LAMA3: variants seen among roughly 807,000 people sequenced by gnomAD.
LAMA3 encodes the protein laminin subunit alpha-3.
A neutral mutation model predicts 402.0 loss-of-function variants in LAMA3; 281 were observed. That is an observed-to-expected ratio of 0.70 (90% CI 0.63 to 0.77). LAMA3 has a LOEUF of 0.77. Ranked by LOEUF, LAMA3 falls within the 30% of genes least tolerant of loss-of-function variation. The probability of loss-of-function intolerance (pLI) is 0.00; values close to 1 mark genes in which losing one functional copy is unlikely to be tolerated. For missense variants in LAMA3, 3,840 were observed against 4,215.5 expected (o/e 0.91, Z 2.47); for synonymous variants, 1,431 against 1,558.4 (o/e 0.92, Z 1.93).
Position 23,914,815 on chromosome 18 carries a change from T to C in LAMA3, c.7599T>C (p.Pro2533=). The change falls in exon 58 of 75, where the codon CCT becomes CCC. Residue 2533 remains proline (P), a synonymous_variant. Coordinates refer to ENST00000313654, the MANE Select transcript of LAMA3 (RefSeq NM_198129.4). ...GCAATACACTCCTTAATTTGGATCC[T>C]GAAAATGTTGTATTTTATGTTGGAG... The part of the protein sequence containing the change: ...RNSNTLLNLD[P]ENVVFYVGGY... 2 of 1,613,040 alleles carry C rather than the reference T, an allele frequency of 1.2e-6. No homozygotes were observed. Among genetic ancestry groups the C allele is most frequent in the Middle Eastern group, 3.3e-4 (2 of 6,062 alleles).
chr18:23,891,174 G>A (rs141541499), intron 42 of LAMA3, among the ~76,000 whole-genome samples: 3 of 152,340 alleles, frequency 2.0e-5, no homozygotes, highest in African/African-American at 7.2e-5. Flanking sequence ...ATGCGGAAAT[G>A]TGGATGATTT....
At position 23,909,210 on chromosome 18, in the gene LAMA3, A is replaced by C; in HGVS notation, c.7073A>C (p.Gln2358Pro). The stretch of plus-strand genomic sequence containing the variant: ...TGGCGCAAGATTGAAAGTATCAACC[A>C]ACAGCTGTTGCCCTTGGGAAACATC... ...DLWRKIESIN[Q>P]QLLPLGNISD... The change falls in exon 55 of 75, where the codon CAA (glutamine) becomes CCA (proline). Residue 2358 changes from glutamine (Q) to proline (P), a missense_variant. This residue lies in a region of LAMA3 where 891 missense variants were observed against 857.5 expected (regional missense o/e 1.04). Coordinates refer to ENST00000313654, the MANE Select transcript of LAMA3 (RefSeq NM_198129.4). 1.2e-6 allele frequency: 2 copies of C among 1,614,008 alleles called. No homozygotes were observed. Among genetic ancestry groups the C allele is most frequent in the Non-Finnish European group, 1.7e-6 (2 of 1,179,880 alleles).
intron 12 of LAMA3, among the ~76,000 whole-genome samples, chr18:23,784,673 G>T (rs879675775): frequency 6.6e-6 from 1 of 152,032 alleles, no homozygotes; most frequent in Non-Finnish European, 1.5e-5. Flanking sequence ...GGCAAGGGTC[G>T]CTGAAGGGGG....
chr18:23,720,019 C>T (rs1263628702), intron 2 of LAMA3, among the ~76,000 whole-genome samples: 2 of 152,236 alleles, frequency 1.3e-5, no homozygotes, highest in East Asian at 1.9e-4. Context: ...CTGTTCACTA[C>T]ATGATGTTTT....
At chr18:23,696,084 T>C (rs11660632) in intron 1 of LAMA3, among the ~76,000 whole-genome samples, 71,149 of 151,988 alleles carry the variant, frequency 0.47, 18,974 homozygotes, top group Non-Finnish European at 0.61. Context: ...TGTCGTGGGA[T>C]TGGCTCTGCA....
chr18:23,762,049 T>C (rs2061980103), intron 7 of LAMA3, among the ~76,000 whole-genome samples: 1 of 152,038 alleles, frequency 6.6e-6, no homozygotes, highest in Non-Finnish European at 1.5e-5. Context: ...AAACCTTGTC[T>C]CTACAAATAA....
intron 11 of LAMA3, among the ~76,000 whole-genome samples, chr18:23,783,183 T>G (rs2062471105): frequency 1.3e-5 from 2 of 152,150 alleles, no homozygotes; most frequent in South Asian, 2.1e-4. Context: ...TCAGGATTCC[T>G]GGAGGGCAAG....
intron 1 of LAMA3, among the ~76,000 whole-genome samples, chr18:23,710,794 G>T (rs1462468818): frequency 6.6e-6 from 1 of 152,056 alleles, no homozygotes; most frequent in African/African-American, 2.4e-5. Flanking sequence ...GTAACTTAAA[G>T]AAGCCAAACT....
chr18:23,695,000 C>G (rs549040498), intron 1 of LAMA3, among the ~76,000 whole-genome samples: 1 of 152,218 alleles, frequency 6.6e-6, no homozygotes, highest in East Asian at 1.9e-4. Context: ...AGAGCAACAC[C>G]CTGATGGAAT....
chr18:23,898,879 T>A lies in LAMA3; in HGVS notation c.5724+31T>A, dbSNP rs762614652. The A allele has an allele frequency of 1.9e-6, 3 of 1,561,462 alleles. No homozygotes were observed. In the South Asian group the frequency reaches 3.3e-5, roughly 17 times the overall value. On this transcript the variant is annotated intron_variant, in intron 45 of 74. Coordinates refer to ENST00000313654, the MANE Select transcript of LAMA3 (RefSeq NM_198129.4). Reference sequence around the variant, plus strand: ...GTGTTAGGTCCATTTAACTTTGGGGTTTTTTTGCTTTCAAAGTATTTTTAT... The same window carrying A: ...GTGTTAGGTCCATTTAACTTTGGGGATTTTTTGCTTTCAAAGTATTTTTAT...
intron 44 of LAMA3, 114 bp downstream of exon 44, chr18:23,895,172 C>T (rs533834038): frequency 1.6e-6 from 2 of 1,212,870 alleles, no homozygotes; most frequent in African/African-American, 3.0e-5. Flanking sequence ...GGTTGTCCTC[C>T]TTCCTCTGAT....
chr18:23,774,778 T>C (rs1487522581), intron 9 of LAMA3, among the ~76,000 whole-genome samples: 1 of 152,266 alleles, frequency 6.6e-6, no homozygotes, highest in African/African-American at 2.4e-5. Flanking sequence ...AATATGTAGA[T>C]GGATTTACTT....
At chr18:23,795,280 C>G (rs1309679895) in intron 12 of LAMA3, among the ~76,000 whole-genome samples, 1 of 152,188 alleles carries the variant, frequency 6.6e-6, no homozygotes, top group Non-Finnish European at 1.5e-5. Context: ...AGAAAACAGA[C>G]AGGCAGATAT....
Position 23,904,575 on chromosome 18 carries a change from G to T in LAMA3, c.6496G>T (p.Asp2166Tyr), listed in dbSNP as rs1568324198. ...LEEIKRNASG[D>Y]ELVRCAVDAA... Reference sequence around the variant, plus strand: ...CAGGATCAAGAGAAACGCCAGCGGGGATGAGCTGGTGCGCTGTGCTGTGGA... The same window carrying T: ...CAGGATCAAGAGAAACGCCAGCGGGTATGAGCTGGTGCGCTGTGCTGTGGA... The change falls in exon 51 of 75, where the codon GAT (aspartate) becomes TAT (tyrosine). Residue 2166 changes from aspartate to tyrosine, a missense_variant. Around this residue, in one of 3 missense-constraint regions of LAMA3, gnomAD observed 891 missense variants for 857.5 expected, o/e 1.04. Coordinates refer to ENST00000313654, the MANE Select transcript of LAMA3 (RefSeq NM_198129.4). 6.2e-7 allele frequency: 1 copy of T among 1,604,730 alleles called. No homozygotes were observed. Among genetic ancestry groups the T allele is most frequent in the Non-Finnish European group, 8.5e-7 (1 of 1,175,728 alleles).
At chr18:23,810,882 A>G (rs2063056427) in intron 13 of LAMA3, among the ~76,000 whole-genome samples, 1 of 152,078 alleles carries the variant, frequency 6.6e-6, no homozygotes. Context: ...TTTCGCTCCC[A>G]GCTTGTGGTG....
chr18:23,846,612 GA>G, intron 31 of LAMA3, 104 bp downstream of exon 31: 1 of 1,041,852 alleles, frequency 9.6e-7, no homozygotes, highest in Non-Finnish European at 1.4e-6. Context: ...GACTCACCTG[GA>G]GATCTGGAGA....
chr18:23,842,855 C>A, intron 29 of LAMA3, 105 bp downstream of exon 29: 1 of 1,415,924 alleles, frequency 7.1e-7, no homozygotes, highest in Non-Finnish European at 1.0e-6. Flanking sequence ...GAATTGAAGT[C>A]ATATTTGTAG....
chr18:23,923,246 A>G (rs193062967), intron 62 of LAMA3, among the ~76,000 whole-genome samples: 51 of 152,318 alleles, frequency 3.3e-4, no homozygotes, highest in Non-Finnish European at 6.3e-4. Context: ...GAGAAAGGCC[A>G]TGACCAAATT....
chr18:23,838,996 G>A lies in LAMA3; in HGVS notation c.3191+118G>A, dbSNP rs1837544912. The A allele has an allele frequency of 5.4e-6, 4 of 737,452 alleles. No individual in the cohort carries two copies. In the African/African-American group the frequency reaches 6.9e-5, roughly 13 times the overall value. The allele number at this position is 737,452 out of a possible 1,614,324, so 45.7% of individuals were successfully genotyped here. On this transcript the variant is annotated intron_variant, in intron 26 of 74. Transcript: ENST00000313654. ...TCATAAGCCAAGGTGCTAAAGTCTGGTGGTGGATTTAAAACAGAAAGAAAA... is the reference window on the plus strand; with the variant it reads ...TCATAAGCCAAGGTGCTAAAGTCTGATGGTGGATTTAAAACAGAAAGAAAA...
Sources: gnomAD v4.1 joint callset for allele counts (sites outside exome capture counted in the v4.1 genomes callset) on GRCh38, gnomAD v4.1.1 for gene constraint, gnomAD v4.1.1 regional missense constraint, MANE v1.5 for transcripts, NCBI Gene and HGNC (gene_info 2026-07-23, HGNC 2026-07-21) for gene names.